Variants in MOB3A observed in about 807,000 individuals in gnomAD.
MOB3A encodes the protein MOB LAK.
A neutral mutation model predicts 17.8 loss-of-function variants in MOB3A; 17 were observed. The observed-to-expected ratio is 0.95, with a 90% CI of 0.65 to 1.43. The LOEUF is 1.43. MOB3A is among the 40% of genes most tolerant of loss of function. MOB3A has a pLI of 0.00. For synonymous variants in MOB3A, 124 were observed against 133.2 expected, an observed-to-expected ratio of 0.93 and a Z score of 0.48; for missense variants, 333 against 310.8, an observed-to-expected ratio of 1.07 and a Z score of -0.54.
At chr19:2,073,503 G>C (rs764758411) in intron 4 of MOB3A, 79 bp from the exon 5 acceptor site, 2 of 1,588,658 alleles carry the variant, frequency 1.3e-6, no homozygotes, top group Non-Finnish European at 1.7e-6. Flanking sequence ...ACACGGAGAC[G>C]CACAGGCAGA....
At chr19:2,088,339 T>C (rs2017576530) in intron 1 of MOB3A, among the ~76,000 whole-genome samples, 1 of 152,328 alleles carries the variant, frequency 6.6e-6, no homozygotes, top group South Asian at 2.1e-4. Context: ...AGTCTTGCTC[T>C]GTCATCCAGG....
At chr19:2,085,827 A>T (rs62128371) in intron 1 of MOB3A, among the ~76,000 whole-genome samples, 30,102 of 150,960 alleles carry the variant, frequency 0.2, 3,170 homozygotes, top group South Asian at 0.23. Flanking sequence ...AGCCGGGCGT[A>T]GTGGTGGGCA....
At chr19:2,092,926 G>A (rs1019717061) in intron 1 of MOB3A, among the ~76,000 whole-genome samples, 10 of 152,178 alleles carry the variant, frequency 6.6e-5, no homozygotes, top group African/African-American at 2.2e-4. Flanking sequence ...CTGGGACTCC[G>A]AAAGGCAGAA....
chr19:2,079,362 G>A (rs1039004778), intron 2 of MOB3A, among the ~76,000 whole-genome samples: 3 of 152,384 alleles, frequency 2.0e-5, no homozygotes, highest in East Asian at 1.9e-4. Context: ...CGCAATGCCC[G>A]CAGCCTGTGC....
chr19:2,074,392 G>C (rs905475919), intron 4 of MOB3A, among the ~76,000 whole-genome samples: 1 of 151,280 alleles, frequency 6.6e-6, no homozygotes, highest in African/African-American at 2.4e-5. Context: ...AAAAGAAAAA[G>C]AAAAAAGAAA....
chr19:2,091,137 G>A (rs1277843721), intron 1 of MOB3A, among the ~76,000 whole-genome samples: 5 of 152,126 alleles, frequency 3.3e-5, no homozygotes, highest in African/African-American at 7.2e-5. Flanking sequence ...TTCCAGTGCC[G>A]GCTGCTGGCC....
At position 2,093,954 on chromosome 19, in the gene MOB3A, G is replaced by A. The variant is rs181529499; in HGVS notation, c.-274+2272C>T. The stretch of plus-strand genomic sequence containing the variant: ...CCCTGACAACTGCGGTTAAGAACCC[G>A]GCTTCTGGAAGTTCTCAGGGCTGCA... On this transcript the variant is annotated intron_variant, in intron 1 of 4. Transcript: ENST00000357066. The surrounding 1 kb of genome is among the most constrained non-coding windows in gnomAD (Gnocchi z 4.6). Among the ~76,000 whole-genome samples the A allele has an allele frequency of 2.6e-5, 4 of 151,986 alleles. No homozygotes were observed. The highest frequency in any genetic ancestry group is 3.9e-4 in the East Asian group (2 of 5,184).
chr19:2,076,145 A>G (rs1257729863), intron 4 of MOB3A, among the ~76,000 whole-genome samples: 1 of 148,580 alleles, frequency 6.7e-6, no homozygotes, highest in Admixed American at 6.7e-5. Flanking sequence ...AAAAAAAAAA[A>G]AGGCCAGGCA....
chr19:2,075,027 C>CTTTTTTT (rs1424566957), intron 4 of MOB3A, among the ~76,000 whole-genome samples: 2 of 149,272 alleles, frequency 1.3e-5, no homozygotes, highest in African/African-American at 4.9e-5. Flanking sequence ...TTAATCTTTT[C>CTTTTTTT]TTTTCTTTTT....
In MOB3A at chr19:2,071,984, C is replaced by T. The variant is rs2017343555; in HGVS notation, c.*1411G>A. ...CACAAGGTCAGGAGATCAAGACCAT[C>T]CTGGCTAACACGGTGAAACCCTGTC... On this transcript the variant is annotated 3_prime_UTR_variant, in exon 5 of 5. Coordinates refer to ENST00000357066, the MANE Select transcript of MOB3A (RefSeq NM_130807.3). 6.6e-6 allele frequency: 1 copy of T among 151,806 alleles called. No individual in the cohort carries two copies. The highest frequency in any genetic ancestry group is 1.5e-5 in the Non-Finnish European group (1 of 68,016). The allele number at this position is 151,806 out of a possible 1,614,324, so 9.4% of individuals were successfully genotyped here. A position where few individuals can be genotyped will look rare whatever the true frequency, so the allele number is the denominator to read the frequency against.
Position 2,072,214 on chromosome 19 carries a change from G to A in MOB3A, c.*1181C>T, listed in dbSNP as rs2017347178. 1.3e-5 allele frequency: 2 copies of A among 152,152 alleles called. No homozygotes were observed. 9.4% of individuals were successfully genotyped at this position (152,152 alleles called of 1,614,324 possible). ...CCAGCACTTTTGGAGGCCAAGGTAG[G>A]CGGATCACCTGAAGTCAGGAGTTTG... On this transcript the variant is annotated 3_prime_UTR_variant, in exon 5 of 5. Coordinates refer to ENST00000357066, the MANE Select transcript of MOB3A (RefSeq NM_130807.3).
chr19:2,073,562 A>C, intron 4 of MOB3A, 138 bp from the exon 5 acceptor site: 6 of 1,088,870 alleles, frequency 5.5e-6, no homozygotes, highest in Non-Finnish European at 6.9e-6. Flanking sequence ...CAAAAACCAC[A>C]CAGGCAATGG....
rs1041681910 is a variant in MOB3A, at chr19:2,093,395, T to G, written c.-274+2831A>C. On this transcript the variant is annotated intron_variant, in intron 1 of 4. Coordinates refer to ENST00000357066, the MANE Select transcript of MOB3A (RefSeq NM_130807.3). The surrounding 1 kb of genome is among the most constrained non-coding windows in gnomAD (Gnocchi z 4.6). The stretch of plus-strand genomic sequence containing the variant: ...ATTTAGAAGGTCAAATGGCTTAAGC[T>G]GAAAAGGCAAATCCGACTTCAGAAA... Among the ~76,000 whole-genome samples the G allele has an allele frequency of 6.6e-6, 1 of 152,108 alleles. No homozygotes were observed. Among genetic ancestry groups the G allele is most frequent in the African/African-American group, 2.4e-5 (1 of 41,442 alleles).
At chr19:2,076,520 C>T (rs2017410688) in intron 4 of MOB3A, among the ~76,000 whole-genome samples, 1 of 152,232 alleles carries the variant, frequency 6.6e-6, no homozygotes, top group African/African-American at 2.4e-5. Flanking sequence ...CACTGAGCGG[C>T]GCTCTGGGAC....
At chr19:2,095,796 G>A (rs989664184) in intron 1 of MOB3A, among the ~76,000 whole-genome samples, 2 of 150,966 alleles carry the variant, frequency 1.3e-5, no homozygotes, top group East Asian at 3.9e-4. Context: ...CCAGGCTGGA[G>A]TGCAGTGATG....
chr19:2,093,342 C>T lies in MOB3A; in HGVS notation c.-274+2884G>A, dbSNP rs1370973584. Among the ~76,000 whole-genome samples the T allele has an allele frequency of 2.0e-5, 3 of 151,866 alleles. No homozygotes were observed. Among genetic ancestry groups the T allele is most frequent in the Admixed American group, 6.6e-5 (1 of 15,242 alleles). On this transcript the variant is annotated intron_variant, in intron 1 of 4. Coordinates refer to ENST00000357066, the MANE Select transcript of MOB3A (RefSeq NM_130807.3). This position sits in a 1 kb window ranked among gnomAD's most constrained non-coding sequence, Gnocchi z 4.6. The stretch of plus-strand genomic sequence containing the variant: ...CCGGGTAAATTTTGTATTCCTCAGC[C>T]GATGAGCTCTGTTCCTGTCTTCCTG...
intron 2 of MOB3A, chr19:2,084,061 C>T (rs769413144): frequency 1.1e-5 from 5 of 444,162 alleles, no homozygotes; most frequent in South Asian, 3.2e-5. Context: ...CGTGAGCCAC[C>T]GTGCCTGGCT....
intron 1 of MOB3A, among the ~76,000 whole-genome samples, chr19:2,088,693 C>T (rs1167626408): frequency 6.6e-6 from 1 of 152,150 alleles, no homozygotes; most frequent in Non-Finnish European, 1.5e-5. Flanking sequence ...TGGTCTCCAA[C>T]TCCTGACCTC....
At chr19:2,092,179 C>T (rs2017622192) in intron 1 of MOB3A, among the ~76,000 whole-genome samples, 1 of 148,728 alleles carries the variant, frequency 6.7e-6, no homozygotes, top group South Asian at 2.1e-4. Flanking sequence ...CGGCTCACTG[C>T]AGCCTCAACC....
Sources: allele counts gnomAD v4.1 joint callset (sites outside exome capture counted in the v4.1 genomes callset), GRCh38; gene constraint gnomAD v4.1.1; non-coding constraint Gnocchi (gnomAD v3.1); transcripts MANE v1.5; gene names NCBI Gene and HGNC (gene_info 2026-07-23, HGNC 2026-07-21).